Variants in CDH4 observed in about 807,000 individuals in gnomAD.
The protein encoded by CDH4 is cadherin 4, also known as cadherin-4.
Under a neutral mutation model 86.0 loss-of-function variants are expected in CDH4, and 33 were observed. The ratio of observed to expected loss-of-function variants is 0.38; its 90% confidence interval spans 0.29 to 0.51. The LOEUF is 0.51. CDH4 is among the 20% of genes least tolerant of loss of function. The pLI is 0.86. For missense variants in CDH4, 1,114 were observed against 1,307.4 expected, an observed-to-expected ratio of 0.85 and a Z score of 2.28; for synonymous variants, 555 against 549.4, an observed-to-expected ratio of 1.01 and a Z score of -0.14.
At chr20:61,314,365 G>T (rs1172234150) in intron 2 of CDH4, among the ~76,000 whole-genome samples, 1 of 152,198 alleles carries the variant, frequency 6.6e-6, no homozygotes, top group Non-Finnish European at 1.5e-5. Flanking sequence ...AGATCGTGCA[G>T]TATCTGTCTT....
chr20:61,522,128 G>A (rs569419116), intron 2 of CDH4, among the ~76,000 whole-genome samples: 29 of 152,326 alleles, frequency 1.9e-4, no homozygotes, highest in African/African-American at 6.0e-4. Context: ...TGACAGTGGC[G>A]TGGGCTCCTG....
chr20:61,753,564 C>T (rs2088524022), intron 3 of CDH4, among the ~76,000 whole-genome samples: 1 of 152,192 alleles, frequency 6.6e-6, no homozygotes, highest in Non-Finnish European at 1.5e-5. Context: ...GGCTGAGTCA[C>T]CCCTGAGGAA....
intron 8 of CDH4, among the ~76,000 whole-genome samples, chr20:61,895,987 G>A (rs1475390518): frequency 6.6e-6 from 1 of 152,196 alleles, no homozygotes; most frequent in African/African-American, 2.4e-5. Flanking sequence ...CAGAGTGGCC[G>A]TGGCCCTGAG....
intron 2 of CDH4, among the ~76,000 whole-genome samples, chr20:61,465,865 C>CT (rs202098908): frequency 0.029 from 3,947 of 137,846 alleles, 80 homozygotes; most frequent in East Asian, 0.058. Flanking sequence ...ACTTTTTTTT[C>CT]TTTTTTTTTT....
chr20:61,412,895 G>T (rs568227211), intron 2 of CDH4, among the ~76,000 whole-genome samples: 1 of 152,322 alleles, frequency 6.6e-6, no homozygotes, highest in Admixed American at 6.5e-5. Context: ...CTGGGAACGG[G>T]AAGAGTGTTT....
chr20:61,535,803 G>A (rs1266008208), intron 2 of CDH4, among the ~76,000 whole-genome samples: 1 of 152,138 alleles, frequency 6.6e-6, no homozygotes, highest in Non-Finnish European at 1.5e-5. Flanking sequence ...CATGGGGAGA[G>A]TGTGGGGGCC....
chr20:61,672,179 G>A (rs900881792), intron 2 of CDH4, among the ~76,000 whole-genome samples: 11 of 151,688 alleles, frequency 7.3e-5, no homozygotes, highest in African/African-American at 2.4e-4. Context: ...ATGAATGGGT[G>A]GGTATATGGA....
chr20:61,799,534 T>G (rs1168501477), intron 4 of CDH4, among the ~76,000 whole-genome samples: 1 of 152,004 alleles, frequency 6.6e-6, no homozygotes, highest in Non-Finnish European at 1.5e-5. Context: ...GGCATCACCC[T>G]TTGTGGTCTG....
chr20:61,928,401 C>T lies in CDH4; in HGVS notation c.1983C>T (p.Asn661=). 1.2e-6 allele frequency: 2 copies of T among 1,612,084 alleles called. No individual in the cohort carries two copies. Among genetic ancestry groups the T allele is most frequent in the Non-Finnish European group, 8.5e-7 (1 of 1,179,994 alleles). ...TTGTCCCGGCGGCCGTGCGGAAGAACTGGACCATCACCCGCCTGAACGGTG... is the reference window on the plus strand; with the variant it reads ...TTGTCCCGGCGGCCGTGCGGAAGAATTGGACCATCACCCGCCTGAACGGTG... ...LPFVPAAVRK[N]WTITRLNGDY... The change falls in exon 12 of 16, where the codon AAC becomes AAT. Residue 661 remains asparagine (N), a synonymous_variant. Transcript: ENST00000614565.
intron 6 of CDH4, among the ~76,000 whole-genome samples, chr20:61,859,121 C>G (rs1402678252): frequency 6.6e-6 from 1 of 152,082 alleles, no homozygotes; most frequent in African/African-American, 2.4e-5. Context: ...GCATGGTGGC[C>G]CCTCGTGGTT....
chr20:61,666,368 GC>G (rs1276796584), intron 2 of CDH4, among the ~76,000 whole-genome samples: 1 of 152,234 alleles, frequency 6.6e-6, no homozygotes, highest in Non-Finnish European at 1.5e-5. Context: ...TGCCGGCACA[GC>G]CAGGGCCACT....
Position 61,473,008 on chromosome 20 carries a change from G to T in CDH4, c.169+218071G>T, listed in dbSNP as rs533997821. ...ACCGGGTGTGGGTAGGCTGTACTCT[G>T]GTGGGGCAGGGGAGGGGAGGGGATT... On this transcript the variant is annotated intron_variant, in intron 2 of 15. Coordinates refer to ENST00000614565, the MANE Select transcript of CDH4 (RefSeq NM_001794.5). Among the ~76,000 whole-genome samples, 2 of 152,282 alleles carry T rather than the reference G, an allele frequency of 1.3e-5. 1 individual carries two copies. Among genetic ancestry groups the T allele is most frequent in the South Asian group, 4.1e-4 (2 of 4,824 alleles).
chr20:61,338,462 G>A (rs941101018), intron 2 of CDH4, among the ~76,000 whole-genome samples: 3 of 152,170 alleles, frequency 2.0e-5, no homozygotes, highest in African/African-American at 7.2e-5. Context: ...GTGAAGACTC[G>A]TTCTCCAGAA....
chr20:61,269,138 G>A lies in CDH4; in HGVS notation c.169+14201G>A, dbSNP rs748639587. 5.3e-5 allele frequency among the ~76,000 whole-genome samples: 8 copies of A among 152,156 alleles called. No individual in the cohort carries two copies. In the South Asian group the frequency reaches 6.2e-4, roughly 12 times the overall value. On this transcript the variant is annotated intron_variant, in intron 2 of 15. Transcript: ENST00000614565. This position sits in a 1 kb window ranked among gnomAD's most constrained non-coding sequence, Gnocchi z 5.3. ...CCACTGATGGAGCCCTCCCCATGCCGGGTGCTGCACCGTACCAGCTGGGTT... is the reference window on the plus strand; with the variant it reads ...CCACTGATGGAGCCCTCCCCATGCCAGGTGCTGCACCGTACCAGCTGGGTT...
intron 2 of CDH4, among the ~76,000 whole-genome samples, chr20:61,407,323 G>A (rs1017535210): frequency 1.3e-5 from 2 of 152,160 alleles, no homozygotes; most frequent in African/African-American, 2.4e-5. Context: ...CTGCCACCCC[G>A]GGTTCTGTCT....
intron 2 of CDH4, among the ~76,000 whole-genome samples, chr20:61,565,131 C>CTGGTGCTCTTGGTGTTGGTTG: frequency 1.1e-5 from 1 of 90,350 alleles, no homozygotes; most frequent in Non-Finnish European, 2.3e-5. Context: ...CTTGGTGGTG[C>CTGGTGCTCTTGGTGTTGGTTG]TGGTCCTCTT....
chr20:61,919,979 C>T (rs2054951396), intron 9 of CDH4, among the ~76,000 whole-genome samples: 2 of 85,832 alleles, frequency 2.3e-5, no homozygotes, highest in Admixed American at 1.1e-4. Context: ...AGCGTGGTAT[C>T]GCGGTGATTG....
In CDH4 at chr20:61,919,925, T is replaced by C. The variant is rs1387697467; in HGVS notation, c.1375-3526T>C. On this transcript the variant is annotated intron_variant, in intron 9 of 15. Coordinates refer to ENST00000614565, the MANE Select transcript of CDH4 (RefSeq NM_001794.5). ...ATGGTATCGTGATTATGTGGAAGCGTGGTGTCACGGTGATTGCGTGGAAGC... is the reference window on the plus strand; with the variant it reads ...ATGGTATCGTGATTATGTGGAAGCGCGGTGTCACGGTGATTGCGTGGAAGC... 1.2e-4 allele frequency among the ~76,000 whole-genome samples: 18 copies of C among 152,016 alleles called. No individual in the cohort carries two copies. In the South Asian group the frequency reaches 3.5e-3, roughly 30 times the overall value.
Position 61,929,541 on chromosome 20 carries a change from C to A in CDH4, c.2006-68C>A, listed in dbSNP as rs1334325344. ...CATGCCATCGGACTTTTAGTCTTTT[C>A]CTTTGGACGTCTTGCTTGGAAGCGA... On this transcript the variant is annotated intron_variant, in intron 12 of 15. Transcript: ENST00000614565. 3.8e-5 allele frequency: 48 copies of A among 1,250,256 alleles called. No individual in the cohort carries two copies. In the South Asian group the frequency reaches 5.8e-4, roughly 15 times the overall value. 77.4% of individuals were successfully genotyped at this position (1,250,256 alleles called of 1,614,324 possible).
Sources: gnomAD v4.1 joint callset for allele counts (sites outside exome capture counted in the v4.1 genomes callset) on GRCh38, gnomAD v4.1.1 for gene constraint, Gnocchi (gnomAD v3.1) non-coding constraint, MANE v1.5 for transcripts, NCBI Gene and HGNC (gene_info 2026-07-23, HGNC 2026-07-21) for gene names.